The following SIPA1L3 variants were observed in gnomAD, a reference collection of about 807,000 sequenced individuals.
SIPA1L3 encodes signal induced proliferation associated 1 like 3, also known as signal-induced proliferation-associated 1-like protein 3.
Under a neutral mutation model 150.1 loss-of-function variants are expected in SIPA1L3, and 59 were observed. That is an observed-to-expected ratio of 0.39 (90% CI 0.32 to 0.49). The LOEUF is 0.49. Among genes scored for constraint, SIPA1L3 ranks in the 20% least tolerant of loss-of-function variants. The pLI, the probability that SIPA1L3 is intolerant of heterozygous loss-of-function variation, is 0.86. For synonymous variants in SIPA1L3, 1,070 were observed against 1,077.6 expected, an observed-to-expected ratio of 0.99 and a Z score of 0.14; for missense variants, 2,211 against 2,489.5, an observed-to-expected ratio of 0.89 and a Z score of 2.38.
intron 1 of SIPA1L3, among the ~76,000 whole-genome samples, chr19:38,000,923 C>CATATAT (rs139011047): frequency 1.5e-5 from 2 of 130,256 alleles, no homozygotes; most frequent in East Asian, 4.4e-4. Context: ...ATATATATAA[C>CATATAT]ATATATATAA....
intron 2 of SIPA1L3, among the ~76,000 whole-genome samples, chr19:38,041,008 C>T (rs547769104): frequency 2.0e-5 from 3 of 152,214 alleles, no homozygotes; most frequent in Admixed American, 1.3e-4. Flanking sequence ...CATGATCTGC[C>T]CACCTCTGCC....
intron 19 of SIPA1L3, chr19:38,200,376 C>G (rs1600208768): frequency 6.6e-6 from 1 of 152,248 alleles, no homozygotes; most frequent in East Asian, 1.9e-4. Context: ...ATGGTGACCT[C>G]CAGGGAGCCA....
At chr19:37,943,812 G>A (rs1478024399) in intron 1 of SIPA1L3, among the ~76,000 whole-genome samples, 1 of 152,156 alleles carries the variant, frequency 6.6e-6, no homozygotes. Flanking sequence ...CCTTCTCTTA[G>A]CGTGGTCTCC....
At chr19:37,957,210 G>A (rs1027668150) in intron 1 of SIPA1L3, among the ~76,000 whole-genome samples, 2 of 152,230 alleles carry the variant, frequency 1.3e-5, no homozygotes, top group Non-Finnish European at 2.9e-5. Context: ...AAATCGGGAA[G>A]TGTTAAGTCC....
Position 38,124,895 on chromosome 19 carries a change from C to G in SIPA1L3, c.2868+5013C>G, listed in dbSNP as rs376235098. Among the ~76,000 whole-genome samples the G allele has an allele frequency of 7.1e-4, 108 of 151,894 alleles. No homozygotes were observed. In the South Asian group the frequency reaches 8.7e-3, roughly 12 times the overall value. On this transcript the variant is annotated intron_variant, in intron 9 of 21. Coordinates refer to ENST00000222345, the MANE Select transcript of SIPA1L3 (RefSeq NM_015073.3). ...CGCGCGCCTGCAATCGCAGGCACTCCGCAGGCTGAGGCAGGAGAATCAGGC... is the reference window on the plus strand; with the variant it reads ...CGCGCGCCTGCAATCGCAGGCACTCGGCAGGCTGAGGCAGGAGAATCAGGC...
Position 37,940,794 on chromosome 19 carries a change from C to CTGA in SIPA1L3, c.-379+33438_-379+33439insATG, listed in dbSNP as rs1555767492. Among the ~76,000 whole-genome samples, 11 of 151,748 alleles carry CTGA rather than the reference C, an allele frequency of 7.2e-5. No homozygotes were observed. The East Asian group carries it at 2.2e-3, about 30-fold the overall frequency. On this transcript the variant is annotated intron_variant, in intron 1 of 21. Transcript: ENST00000222345. ...ACAGGGTTTCACCATGTTGGCCAGG[C>CTGA]TGGTCTCAAACCCCTGACCTCAAAG...
At chr19:37,927,460 G>A (rs1004446908) in intron 1 of SIPA1L3, among the ~76,000 whole-genome samples, 1 of 151,880 alleles carries the variant, frequency 6.6e-6, no homozygotes. Context: ...CCCCCAGTAG[G>A]TAGATTTTCA....
chr19:37,970,698 G>A (rs1000444413), intron 1 of SIPA1L3, among the ~76,000 whole-genome samples: 4 of 152,230 alleles, frequency 2.6e-5, no homozygotes, highest in African/African-American at 9.6e-5. Context: ...GATGGGTGGT[G>A]CATCTCAGAA....
At chr19:38,080,628 AATC>A (rs1969955062) in intron 2 of SIPA1L3, among the ~76,000 whole-genome samples, 1 of 151,886 alleles carries the variant, frequency 6.6e-6, no homozygotes, top group Non-Finnish European at 1.5e-5. Flanking sequence ...TTTTTTTTTA[AATC>A]TTATGTACTA....
chr19:38,018,995 C>T (rs1429550552), intron 1 of SIPA1L3, among the ~76,000 whole-genome samples: 1 of 152,184 alleles, frequency 6.6e-6, no homozygotes, highest in Non-Finnish European at 1.5e-5. Flanking sequence ...GAAGTTCTAG[C>T]TTTCTCCCTG....
Position 38,164,178 on chromosome 19 carries a change from G to A in SIPA1L3, c.3781-301G>A, listed in dbSNP as rs555415613. Among the ~76,000 whole-genome samples, 8 of 152,156 alleles carry A rather than the reference G, an allele frequency of 5.3e-5. No homozygotes were observed. The highest frequency in any genetic ancestry group is 4.1e-4 in the South Asian group (2 of 4,820). ...TCATTGAGATGAGGAAGACGCTGCC[G>A]AACTCAGTCTTAGATTCGCTGAGTC... On this transcript the variant is annotated intron_variant, in intron 14 of 21. Transcript: ENST00000222345. The surrounding 1 kb of genome is among the most constrained non-coding windows in gnomAD (Gnocchi z 4.1).
At chr19:38,065,840 A>ATTTC (rs1969564520) in intron 2 of SIPA1L3, among the ~76,000 whole-genome samples, 1 of 121,612 alleles carries the variant, frequency 8.2e-6, no homozygotes, top group Non-Finnish European at 1.9e-5. Context: ...CTTGCTATTT[A>ATTTC]TTTATTTATT....
chr19:37,979,378 A>G (rs1967147452), intron 1 of SIPA1L3, among the ~76,000 whole-genome samples: 1 of 151,020 alleles, frequency 6.6e-6, no homozygotes, highest in Admixed American at 6.6e-5. Context: ...GTGAAACCCT[A>G]TCTCTACTAA....
chr19:37,911,928 C>G (rs2046380820), intron 1 of SIPA1L3, among the ~76,000 whole-genome samples: 2 of 151,844 alleles, frequency 1.3e-5, no homozygotes, highest in Non-Finnish European at 2.9e-5. Context: ...AAAAATTAGC[C>G]AGGCGTGGTG....
At chr19:38,033,278 G>A (rs1245633732) in intron 2 of SIPA1L3, among the ~76,000 whole-genome samples, 2 of 152,240 alleles carry the variant, frequency 1.3e-5, no homozygotes, top group Non-Finnish European at 2.9e-5. Flanking sequence ...GAATGACTGT[G>A]ACTATGTTTT....
At chr19:38,193,372 GGGGAGGGAGGAAGGGA>G (rs1034616969) in intron 17 of SIPA1L3, among the ~76,000 whole-genome samples, 149 bp from the exon 18 acceptor site, 2 of 133,242 alleles carry the variant, frequency 1.5e-5, no homozygotes, top group Non-Finnish European at 3.2e-5. Flanking sequence ...AGGAGGGAGG[GGGGAGGGAGGAAGGGA>G]GGGAGGGAGG....
intron 10 of SIPA1L3, among the ~76,000 whole-genome samples, chr19:38,134,173 G>A (rs191071260): frequency 1.3e-5 from 2 of 151,266 alleles, no homozygotes; most frequent in East Asian, 2.0e-4. Flanking sequence ...TAGCAGAGAC[G>A]GGGTTTCACC....
chr19:37,981,552 T>G (rs1285791228), intron 1 of SIPA1L3, among the ~76,000 whole-genome samples: 5 of 152,198 alleles, frequency 3.3e-5, no homozygotes, highest in Admixed American at 3.3e-4. Context: ...CAAATGAAAG[T>G]GATAATACTT....
intron 2 of SIPA1L3, among the ~76,000 whole-genome samples, chr19:38,052,589 G>A (rs1394484931): frequency 6.6e-6 from 1 of 152,242 alleles, no homozygotes; most frequent in Non-Finnish European, 1.5e-5. Context: ...AAAAGGGCAG[G>A]CAATGGATCA....
Sources: allele counts gnomAD v4.1 joint callset (sites outside exome capture counted in the v4.1 genomes callset), GRCh38; gene constraint gnomAD v4.1.1; non-coding constraint Gnocchi (gnomAD v3.1); transcripts MANE v1.5; gene names NCBI Gene and HGNC (gene_info 2026-07-23, HGNC 2026-07-21).